The following FAT4 variants were observed in gnomAD, a reference collection of about 807,000 sequenced individuals.
FAT4 encodes FAT atypical cadherin 4.
A neutral mutation model predicts 303.9 loss-of-function variants in FAT4; 84 were observed. The observed-to-expected ratio is 0.28, with a 90% CI of 0.23 to 0.33. The LOEUF (loss-of-function observed/expected upper bound fraction) is 0.33, where lower values mean the gene tolerates loss of function less well. Among genes scored for constraint, FAT4 ranks in the 10% least tolerant of loss-of-function variants. The pLI, the probability that FAT4 is intolerant of heterozygous loss-of-function variation, is 1.00. For missense variants in FAT4, 6,005 were observed against 6,146.8 expected (o/e 0.98, Z 0.77); for synonymous variants, 2,307 against 2,298.8 (o/e 1.00, Z -0.10).
rs6847454 is a variant in FAT4, at chr4:125,317,769, A to G, written c.1358A>G (p.Gln453Arg). The G allele has an allele frequency of 5.6e-6, 9 of 1,613,818 alleles. No homozygotes were observed. In the African/African-American group the frequency reaches 1.2e-4, roughly 22 times the overall value. ...GGGGCGCCCCCTGGCGCAGCAGTCC[A>G]GGCGCGCTCTTCTGTGGCAAGCCTG... ...NYGAPPGAAV[Q>R]ARSSVASLVI... The change falls in exon 2 of 18, where the codon CAG becomes CGG. Residue 453 changes from glutamine (Q) to arginine (R), a missense_variant. By Grantham distance (43) the Gln-to-Arg change is conservative (BLOSUM62 1). Coordinates refer to ENST00000394329, the MANE Select transcript of FAT4 (RefSeq NM_001291303.3). This position sits in a 1 kb window ranked among gnomAD's most constrained non-coding sequence, Gnocchi z 7.0.
At chr4:125,346,537 AAAAGT>A (rs942159068) in intron 2 of FAT4, among the ~76,000 whole-genome samples, 3 of 151,836 alleles carry the variant, frequency 2.0e-5, no homozygotes, top group African/African-American at 4.8e-5. Flanking sequence ...TTTTTTTTGA[AAAAGT>A]AAAGAAAAAG....
At chr4:125,466,843 A>C (rs56028137) in intron 11 of FAT4, among the ~76,000 whole-genome samples, 91,252 of 149,198 alleles carry the variant, frequency 0.61, 28,032 homozygotes, top group East Asian at 0.85. Context: ...GGCATGTTCT[A>C]GGCTCACTGC....
intron 2 of FAT4, among the ~76,000 whole-genome samples, chr4:125,328,071 G>C (rs1731228725): frequency 6.6e-6 from 1 of 152,138 alleles, no homozygotes; most frequent in Non-Finnish European, 1.5e-5. Flanking sequence ...AATAGGAAAA[G>C]AATAACTGGC....
intron 2 of FAT4, among the ~76,000 whole-genome samples, chr4:125,340,400 T>A (rs9685226): frequency 0.33 from 50,108 of 151,764 alleles, 8,551 homozygotes; most frequent in Middle Eastern, 0.37. Context: ...TTTTTTTTTT[T>A]TGAGACGGAG....
rs769502055 is a variant in FAT4, at chr4:125,449,381, TAC to T, written c.8375_8376del (p.Thr2792SerfsTer8). ...AHVPENSPLG[Y>X]TVTRVTTSDE... ...TGTTCCTGAAAATTCCCCCTTAGGA[TAC>T]ACAGTTACCCGTGTCACAACTTCTG... On this transcript the variant is annotated frameshift_variant, in exon 10 of 18. Coordinates refer to ENST00000394329, the MANE Select transcript of FAT4 (RefSeq NM_001291303.3). LOFTEE classifies it high-confidence loss of function. The T allele has an allele frequency of 6.2e-7, 1 of 1,613,800 alleles. No individual in the cohort carries two copies.
At chr4:125,389,003 T>A (rs1378211479) in intron 2 of FAT4, among the ~76,000 whole-genome samples, 1 of 152,156 alleles carries the variant, frequency 6.6e-6, no homozygotes, top group African/African-American at 2.4e-5. Context: ...ATGTAATTAC[T>A]TTTGTTTGAG....
Position 125,468,585 on chromosome 4 carries a change from G to C in FAT4, c.11979G>C (p.Leu3993Phe). 1 of 1,613,966 alleles carries C rather than the reference G, an allele frequency of 6.2e-7. No homozygotes were observed. Among genetic ancestry groups the C allele is most frequent in the Non-Finnish European group, 8.5e-7 (1 of 1,179,958 alleles). ...EELSYMEFPS[L>F]DPNNNYIYVK... is the part of the protein sequence containing the mutation. ...TATCATACATGGAATTTCCAAGCTT[G>C]GACCCCAATAACAACTATATTTATG... Residue 3993 changes from leucine (L) to phenylalanine (F), a missense_variant, in exon 12 of 18, where the codon TTG (leucine) becomes TTC (phenylalanine). Leu to Phe is a conservative substitution (Grantham distance 22). Coordinates refer to ENST00000394329, the MANE Select transcript of FAT4 (RefSeq NM_001291303.3).
At chr4:125,394,018 A>C (rs1734072563) in intron 2 of FAT4, 1 of 778,730 alleles carries the variant, frequency 1.3e-6, no homozygotes, top group Non-Finnish European at 2.4e-6. Flanking sequence ...AGTCAAGCAC[A>C]GATCTACCAA....
intron 7 of FAT4, among the ~76,000 whole-genome samples, chr4:125,419,036 T>C (rs1411084944): frequency 1.3e-5 from 2 of 152,316 alleles, no homozygotes; most frequent in East Asian, 1.9e-4. Context: ...ATAGACTTTA[T>C]AGTTAAACCC....
In FAT4 at chr4:125,320,122, T is replaced by C. The variant is rs1560756056; in HGVS notation, c.3711T>C (p.Val1237=). 1.9e-6 allele frequency: 3 copies of C among 1,614,050 alleles called. No homozygotes were observed. The highest frequency in any genetic ancestry group is 2.5e-6 in the Non-Finnish European group (3 of 1,179,930). The change falls in exon 2 of 18, where the codon GTT becomes GTC. Residue 1237 remains valine, a synonymous_variant. Coordinates refer to ENST00000394329, the MANE Select transcript of FAT4 (RefSeq NM_001291303.3). ...TGTTAAGAGTATCTGCCTCAGATGT[T>C]GATGAAGGTAATAATGGACTTATTC... The part of the protein sequence containing the change: ...TQVLRVSASD[V]DEGNNGLIHY...
At chr4:125,423,610 G>T (rs994326748) in intron 7 of FAT4, among the ~76,000 whole-genome samples, 1 of 152,230 alleles carries the variant, frequency 6.6e-6, no homozygotes, top group African/African-American at 2.4e-5. Flanking sequence ...CTGGGGCATT[G>T]CCTCATGGAG....
intron 2 of FAT4, among the ~76,000 whole-genome samples, chr4:125,361,857 G>A (rs924054878): frequency 2.0e-5 from 3 of 152,092 alleles, no homozygotes; most frequent in African/African-American, 7.2e-5. Context: ...AGCCTCACTA[G>A]GATGCACTCC....
intron 7 of FAT4, among the ~76,000 whole-genome samples, chr4:125,430,135 A>C (rs1264388122): frequency 6.8e-6 from 1 of 146,022 alleles, no homozygotes; most frequent in Admixed American, 7.1e-5. Context: ...CGTTGTGCAC[A>C]TGTACCCTAG....
chr4:125,410,384 G>A (rs1308770536), intron 5 of FAT4, among the ~76,000 whole-genome samples: 1 of 152,080 alleles, frequency 6.6e-6, no homozygotes, highest in Non-Finnish European at 1.5e-5. Context: ...TCTATTTCAT[G>A]TACCTCATCC....
At chr4:125,368,342 C>A (rs1407658245) in intron 2 of FAT4, among the ~76,000 whole-genome samples, 1 of 151,774 alleles carries the variant, frequency 6.6e-6, no homozygotes, top group East Asian at 1.9e-4. Flanking sequence ...TAGTGGTAAA[C>A]AGTTTATGCA....
rs1165360656 is a variant in FAT4, at chr4:125,492,660, A to G, written c.*892A>G. The G allele has an allele frequency of 1.3e-5, 2 of 152,630 alleles. No individual in the cohort carries two copies. The highest frequency in any genetic ancestry group is 4.8e-5 in the African/African-American group (2 of 41,464). The allele number at this position is 152,630 out of a possible 1,614,324, so 9.5% of individuals were successfully genotyped here. A position where few individuals can be genotyped will look rare whatever the true frequency, so the allele number is the denominator to read the frequency against. On this transcript the variant is annotated 3_prime_UTR_variant, in exon 18 of 18. Transcript: ENST00000394329. ...TAAGTACCCAGTTTTTATAATTTAT[A>G]TGAAATCAGATTTCAACACTTACTT...
chr4:125,319,249 T>C lies in FAT4; in HGVS notation c.2838T>C (p.Asn946=). The C allele has an allele frequency of 6.2e-7, 1 of 1,614,168 alleles. No individual in the cohort carries two copies. The highest frequency in any genetic ancestry group is 8.5e-7 in the Non-Finnish European group (1 of 1,180,022). ...PKNLFAINEK[N]GTISLLGPLD... ...ACCTGTTTGCTATCAATGAAAAGAATGGCACTATTAGTCTGCTTGGGCCCC... is the reference window on the plus strand; with the variant it reads ...ACCTGTTTGCTATCAATGAAAAGAACGGCACTATTAGTCTGCTTGGGCCCC... Residue 946 remains asparagine, a synonymous_variant, in exon 2 of 18, where the codon AAT becomes AAC. Transcript: ENST00000394329.
chr4:125,398,672 G>T (rs950361837), intron 2 of FAT4, 112 bp from the exon 3 acceptor site: 158 of 1,018,802 alleles, frequency 1.6e-4, no homozygotes, highest in Admixed American at 1.9e-4. Flanking sequence ...TAGATGCAAA[G>T]GTTCCAATTC....
At chr4:125,389,205 A>C (rs2126005041) in intron 2 of FAT4, among the ~76,000 whole-genome samples, 1 of 152,262 alleles carries the variant, frequency 6.6e-6, no homozygotes, top group South Asian at 2.1e-4. Flanking sequence ...CCAGATATCT[A>C]AATAGATATA....
Sources: gnomAD v4.1 joint callset for allele counts (sites outside exome capture counted in the v4.1 genomes callset) on GRCh38, gnomAD v4.1.1 for gene constraint, Gnocchi (gnomAD v3.1) non-coding constraint, MANE v1.5 for transcripts, NCBI Gene and HGNC (gene_info 2026-07-23, HGNC 2026-07-21) for gene names.